Variants in DNAJC3 observed in about 807,000 individuals in gnomAD.
DNAJC3 encodes DnaJ heat shock protein family (Hsp40) member C3, also known as dnaJ homolog subfamily C member 3.
Under a neutral mutation model 68.6 loss-of-function variants are expected in DNAJC3, and 38 were observed. That is an observed-to-expected ratio of 0.55 (90% CI 0.43 to 0.73). The LOEUF is 0.73. DNAJC3 is among the 30% of genes least tolerant of loss of function. The pLI, the probability that DNAJC3 is intolerant of heterozygous loss-of-function variation, is 0.00. For missense variants in DNAJC3, 526 were observed against 591.9 expected (o/e 0.89, Z 1.16); for synonymous variants, 203 against 204.0 (o/e 1.00, Z 0.04).
chr13:95,740,758 A>T (rs1473660167), intron 4 of DNAJC3, among the ~76,000 whole-genome samples: 1 of 152,212 alleles, frequency 6.6e-6, no homozygotes, highest in Non-Finnish European at 1.5e-5. Flanking sequence ...GGAAATGCAG[A>T]AATCACCCGT....
chr13:95,678,231 A>G (rs1879817857), intron 1 of DNAJC3, among the ~76,000 whole-genome samples: 1 of 152,208 alleles, frequency 6.6e-6, no homozygotes, highest in Admixed American at 6.5e-5. Flanking sequence ...CATCACATGC[A>G]CTGATCTATT....
chr13:95,765,518 TA>T (rs1566507199), intron 9 of DNAJC3, among the ~76,000 whole-genome samples: 1 of 151,742 alleles, frequency 6.6e-6, no homozygotes, highest in Non-Finnish European at 1.5e-5. Flanking sequence ...CCTGATGGCT[TA>T]ATTCTGGAAG....
intron 1 of DNAJC3, among the ~76,000 whole-genome samples, chr13:95,682,745 G>A (rs1879953850): frequency 6.6e-6 from 1 of 152,198 alleles, no homozygotes; most frequent in Non-Finnish European, 1.5e-5. Context: ...TCAAAAGAGA[G>A]TGGATTGCAA....
chr13:95,788,769 C>G (rs1055010611), intron 11 of DNAJC3, among the ~76,000 whole-genome samples: 2 of 152,196 alleles, frequency 1.3e-5, no homozygotes, highest in African/African-American at 2.4e-5. Context: ...CACCCCCACC[C>G]CTACGGAGAG....
chr13:95,698,366 C>T (rs532182407), intron 1 of DNAJC3, among the ~76,000 whole-genome samples: 1 of 152,272 alleles, frequency 6.6e-6, no homozygotes, highest in Non-Finnish European at 1.5e-5. Flanking sequence ...TTCCCCCATC[C>T]CCTGAGCTTC....
chr13:95,717,574 C>T (rs896205694), intron 2 of DNAJC3, among the ~76,000 whole-genome samples: 9 of 152,164 alleles, frequency 5.9e-5, no homozygotes, highest in Non-Finnish European at 1.2e-4. Context: ...TGTGTCCCCA[C>T]CCAAATCTCG....
Position 95,792,658 on chromosome 13 carries a change from A to G in DNAJC3, c.*1628A>G, listed in dbSNP as rs946654155. On this transcript the variant is annotated 3_prime_UTR_variant, in exon 12 of 12. Transcript: ENST00000602402. ...GCTTTCTGCATCTATTTAGGAGTCT[A>G]TTTCTTACCAATAAACTTGACAACG... 6.6e-6 allele frequency: 1 copy of G among 152,210 alleles called. No individual in the cohort carries two copies. Among genetic ancestry groups the G allele is most frequent in the African/African-American group, 2.4e-5 (1 of 41,456 alleles). 9.4% of individuals were successfully genotyped at this position (152,210 alleles called of 1,614,324 possible).
intron 7 of DNAJC3, among the ~76,000 whole-genome samples, chr13:95,763,396 T>C (rs1375628172): frequency 6.6e-6 from 1 of 152,222 alleles, no homozygotes; most frequent in African/African-American, 2.4e-5. Flanking sequence ...TTGGTACTTA[T>C]ACTCACAGGT....
At chr13:95,787,195 G>A in intron 11 of DNAJC3, 40 bp downstream of exon 11, 2 of 1,586,444 alleles carry the variant, frequency 1.3e-6, no homozygotes, top group South Asian at 1.2e-5. Flanking sequence ...TCCTAGAGGT[G>A]GTGTTAGAAG....
chr13:95,707,210 G>A (rs1041164367), intron 1 of DNAJC3, among the ~76,000 whole-genome samples: 13 of 152,276 alleles, frequency 8.5e-5, no homozygotes, highest in African/African-American at 2.4e-4. Flanking sequence ...CTGACAGGAA[G>A]CAGAGCTCAG....
At chr13:95,758,480 A>C (rs1186824135) in intron 5 of DNAJC3, among the ~76,000 whole-genome samples, 2 of 151,960 alleles carry the variant, frequency 1.3e-5, no homozygotes, top group Non-Finnish European at 2.9e-5. Flanking sequence ...TAAAAAAAAA[A>C]AAAAGAAAAT....
intron 4 of DNAJC3, among the ~76,000 whole-genome samples, chr13:95,756,789 G>A (rs1161124283): frequency 1.3e-5 from 2 of 152,028 alleles, no homozygotes; most frequent in Non-Finnish European, 2.9e-5. Flanking sequence ...TTAAAAAAAT[G>A]TAGCTACCTG....
intron 9 of DNAJC3, among the ~76,000 whole-genome samples, chr13:95,772,341 A>G (rs1883181043): frequency 6.6e-6 from 1 of 152,228 alleles, no homozygotes; most frequent in South Asian, 2.1e-4. Flanking sequence ...AAGAGCTGCT[A>G]TGAACATTAT....
intron 1 of DNAJC3, among the ~76,000 whole-genome samples, chr13:95,703,170 A>G (rs1880627511): frequency 1.3e-5 from 2 of 152,240 alleles, no homozygotes; most frequent in African/African-American, 4.8e-5. Context: ...AGATCAAGAC[A>G]TAACCTTGTT....
chr13:95,753,994 C>T (rs1307007624), intron 4 of DNAJC3, among the ~76,000 whole-genome samples: 1 of 152,162 alleles, frequency 6.6e-6, no homozygotes, highest in African/African-American at 2.4e-5. Context: ...GTAAAACTTC[C>T]ACACTGTGTT....
intron 1 of DNAJC3, chr13:95,693,593 C>G (rs1419289253): frequency 2.1e-5 from 3 of 142,964 alleles, no homozygotes; most frequent in Non-Finnish European, 4.6e-5. Context: ...ACTTACAGCC[C>G]TTAGTGTAAC....
At chr13:95,785,738 A>C (rs1326948933) in intron 9 of DNAJC3, among the ~76,000 whole-genome samples, 14 of 151,820 alleles carry the variant, frequency 9.2e-5, no homozygotes, top group Admixed American at 9.2e-4. Context: ...TGATGGGATC[A>C]CAGGCATGAG....
At chr13:95,748,152 G>T (rs879639421) in intron 4 of DNAJC3, among the ~76,000 whole-genome samples, 4 of 151,996 alleles carry the variant, frequency 2.6e-5, no homozygotes, top group Middle Eastern at 3.4e-3. Flanking sequence ...TTTAAATTTA[G>T]GCAGTGTTCC....
intron 9 of DNAJC3, 48 bp from the exon 10 acceptor site, chr13:95,785,891 T>G: frequency 6.7e-7 from 1 of 1,501,280 alleles, no homozygotes; most frequent in Non-Finnish European, 8.9e-7. Context: ...GAAAAGGCAA[T>G]AAATTATAAT....
Sources: allele counts gnomAD v4.1 joint callset (sites outside exome capture counted in the v4.1 genomes callset), GRCh38; gene constraint gnomAD v4.1.1; transcripts MANE v1.5; gene names NCBI Gene and HGNC (gene_info 2026-07-23, HGNC 2026-07-21).